Variants in TRPM7 observed in about 807,000 individuals in gnomAD.
TRPM7 encodes LTRPC ion channel family member 7.
Under a neutral mutation model 229.7 loss-of-function variants are expected in TRPM7, and 134 were observed. The observed-to-expected ratio is 0.58, with a 90% CI of 0.51 to 0.67. The LOEUF (loss-of-function observed/expected upper bound fraction) is 0.67, where lower values mean the gene tolerates loss of function less well. Ranked by LOEUF, TRPM7 falls within the 30% of genes least tolerant of loss-of-function variation. The pLI is 0.00. For missense variants in TRPM7, 1,901 were observed against 2,210.0 expected (o/e 0.86, Z 2.80); for synonymous variants, 699 against 715.2 (o/e 0.98, Z 0.36).
In TRPM7 at chr15:50,673,378, T is replaced by C. The variant is rs944391771; in HGVS notation, c.4-10332A>G. 2.6e-5 allele frequency among the ~76,000 whole-genome samples: 4 copies of C among 152,198 alleles called. No homozygotes were observed. In the East Asian group the frequency reaches 7.7e-4, roughly 29 times the overall value. ...TTTGGTGCACCCATTGCCCGACCGG[T>C]ACACACTGCACCCTATTTGTAGTCT... On this transcript the variant is annotated intron_variant, in intron 1 of 38. Transcript: ENST00000646667.
intron 19 of TRPM7, 36 bp from the exon 20 acceptor site, chr15:50,607,364 G>C: frequency 2.1e-6 from 3 of 1,462,964 alleles, no homozygotes; most frequent in Non-Finnish European, 2.8e-6. Context: ...AATAACATTG[G>C]TTACAAAATA....
intron 1 of TRPM7, among the ~76,000 whole-genome samples, chr15:50,684,093 C>G (rs2062302839): frequency 6.6e-6 from 1 of 151,772 alleles, no homozygotes; most frequent in Non-Finnish European, 1.5e-5. Flanking sequence ...CTCAAGTGAT[C>G]CGGGATCAGC....
rs1225031377 is a variant in TRPM7 at position 50,615,838 on chromosome 15, G to C, written c.1495-1575C>G. Among the ~76,000 whole-genome samples, 4 of 152,242 alleles carry C rather than the reference G, an allele frequency of 2.6e-5. No individual in the cohort carries two copies. The East Asian group carries it at 7.7e-4, about 29-fold the overall frequency. On this transcript the variant is annotated intron_variant, in intron 13 of 38. Transcript: ENST00000646667. ...TTGAACCCAGGATGCGGAAGTTGCA[G>C]TGAGCCAAGTTCACACCATTGCACT...
At chr15:50,600,636 C>T (rs1024558321) in intron 21 of TRPM7, among the ~76,000 whole-genome samples, 1 of 152,014 alleles carries the variant, frequency 6.6e-6, no homozygotes, top group African/African-American at 2.4e-5. Context: ...TAAATTATGA[C>T]ATTTCCATAT....
chr15:50,619,482 G>A (rs565706580), intron 13 of TRPM7, among the ~76,000 whole-genome samples: 13 of 151,974 alleles, frequency 8.6e-5, no homozygotes, highest in South Asian at 2.1e-4. Context: ...TCAACCTGCC[G>A]AAATGCTGGG....
chr15:50,679,533 T>TATGTGTATATATATA (rs2062194318), intron 1 of TRPM7, among the ~76,000 whole-genome samples: 1 of 51,792 alleles, frequency 1.9e-5, no homozygotes, highest in African/African-American at 8.2e-5. Context: ...TATATATATA[T>TATGTGTATATATATA]ATATATTTTT....
In TRPM7 at chr15:50,609,965, A is replaced by T. The variant is rs1393388356; in HGVS notation, c.2281-4T>A. On this transcript the variant is annotated splice_region_variant and splice_polypyrimidine_tract_variant and intron_variant, in intron 17 of 38. Transcript: ENST00000646667. ...GAACTAAAATGCTTAGTATGACCTAAATTTTTAGAAACATAATTTTGCATT... is the reference window on the plus strand; with the variant it reads ...GAACTAAAATGCTTAGTATGACCTATATTTTTAGAAACATAATTTTGCATT... 6.4e-7 allele frequency: 1 copy of T among 1,558,510 alleles called. No individual in the cohort carries two copies. The highest frequency in any genetic ancestry group is 1.9e-5 in the Admixed American group (1 of 52,748).
In TRPM7 at chr15:50,560,160, T is replaced by A. The variant is rs1294107511; in HGVS notation, c.*1518A>T. 1 of 152,196 alleles carries A rather than the reference T, an allele frequency of 6.6e-6. No individual in the cohort carries two copies. The highest frequency in any genetic ancestry group is 1.5e-5 in the Non-Finnish European group (1 of 68,026). The allele number at this position is 152,196 out of a possible 1,614,324, so 9.4% of individuals were successfully genotyped here. On this transcript the variant is annotated 3_prime_UTR_variant, in exon 39 of 39. Coordinates refer to ENST00000646667, the MANE Select transcript of TRPM7 (RefSeq NM_017672.6). ...CTAAGAAGACAGTAAGAAATCAGTA[T>A]TAATTTAAACATTGTACAGGACAGG...
chr15:50,580,454 T>C (rs1566949937), intron 30 of TRPM7, among the ~76,000 whole-genome samples: 1 of 152,204 alleles, frequency 6.6e-6, no homozygotes, highest in African/African-American at 2.4e-5. Context: ...TACTGTGTAT[T>C]ACTGCTCTAA....
intron 13 of TRPM7, among the ~76,000 whole-genome samples, chr15:50,619,091 T>C (rs1339212716): frequency 1.3e-5 from 2 of 152,192 alleles, no homozygotes. Context: ...GGGACAATTT[T>C]CTGAGGAATA....
chr15:50,658,005 AT>A (rs529961423), intron 2 of TRPM7, among the ~76,000 whole-genome samples, 186 bp from the exon 3 acceptor site: 381 of 139,220 alleles, frequency 2.7e-3, no homozygotes, highest in South Asian at 6.4e-3. Flanking sequence ...GACAGTCTCA[AT>A]TTTTTTTTTT....
chr15:50,673,290 G>C (rs11858301), intron 1 of TRPM7, among the ~76,000 whole-genome samples: 20,965 of 151,968 alleles, frequency 0.14, 1,486 homozygotes, highest in Middle Eastern at 0.2. Flanking sequence ...TATTTCCATA[G>C]GTTATTGGAA....
At chr15:50,628,392 T>G (rs1178089237) in intron 10 of TRPM7, 143 bp from the exon 11 acceptor site, 3 of 580,982 alleles carry the variant, frequency 5.2e-6, no homozygotes, top group Admixed American at 3.3e-5. Flanking sequence ...ACTGCAGCCT[T>G]GAATTCCTGG....
At position 50,560,911 on chromosome 15, in the gene TRPM7, G is replaced by A. The variant is rs2053284953; in HGVS notation, c.*767C>T. 1 of 152,496 alleles carries A rather than the reference G, an allele frequency of 6.6e-6. No individual in the cohort carries two copies. 9.4% of individuals were successfully genotyped at this position (152,496 alleles called of 1,614,324 possible). ...GTAACTTCCCTTGACGAGTGAGTTAGGTTTCTGCTTTTATAATTTAGGTTA... is the reference window on the plus strand; with the variant it reads ...GTAACTTCCCTTGACGAGTGAGTTAAGTTTCTGCTTTTATAATTTAGGTTA... On this transcript the variant is annotated 3_prime_UTR_variant, in exon 39 of 39. Coordinates refer to ENST00000646667, the MANE Select transcript of TRPM7 (RefSeq NM_017672.6).
Position 50,561,494 on chromosome 15 carries a change from T to C in TRPM7, c.*184A>G. On this transcript the variant is annotated 3_prime_UTR_variant, in exon 39 of 39. Coordinates refer to ENST00000646667, the MANE Select transcript of TRPM7 (RefSeq NM_017672.6). ...AATTTCTCAGCTGCCAGCTCTATCC[T>C]ATAGGGACTTTCTGACTGATTAATC... The C allele has an allele frequency of 3.3e-6, 2 of 597,586 alleles. No individual in the cohort carries two copies. The highest frequency in any genetic ancestry group is 5.0e-5 in the South Asian group (2 of 40,392). 37.0% of individuals were successfully genotyped at this position (597,586 alleles called of 1,614,324 possible). A position where few individuals can be genotyped will look rare whatever the true frequency, so the allele number is the denominator to read the frequency against.
At chr15:50,598,029 C>T (rs79851573) in intron 22 of TRPM7, among the ~76,000 whole-genome samples, 2,121 of 152,182 alleles carry the variant, frequency 0.014, 47 homozygotes, top group African/African-American at 0.049. Flanking sequence ...GTTTAACTAC[C>T]GCCCAAGAAC....
chr15:50,609,640 T>C lies in TRPM7; in HGVS notation c.2521A>G (p.Ile841Val), dbSNP rs753975813. The C allele has an allele frequency of 4.3e-6, 7 of 1,612,698 alleles. No homozygotes were observed. Among genetic ancestry groups the C allele is most frequent in the African/African-American group, 2.7e-5 (2 of 74,998 alleles). ...EIQMKSKKLP[I>V]TRKFYAFYHA... is the part of the protein sequence containing the mutation. ...TAAAAGGCATAAAACTTTCGCGTAA[T>C]TGGAAGCTTTTTTGATTTCATTTGT... Residue 841 changes from isoleucine to valine, a missense_variant, in exon 19 of 39, where the codon ATT (isoleucine) becomes GTT (valine). Physicochemically the swap from Ile to Val is conservative, Grantham distance 29. Around this residue, in one of 8 missense-constraint regions of TRPM7, gnomAD observed 207 missense variants for 241.5 expected, o/e 0.86. Transcript: ENST00000646667.
At position 50,566,455 on chromosome 15, in the gene TRPM7, T is replaced by C. The variant is rs571325643; in HGVS notation, c.5467+3432A>G. 3.9e-5 allele frequency among the ~76,000 whole-genome samples: 6 copies of C among 152,120 alleles called. No individual in the cohort carries two copies. The South Asian group carries it at 1.2e-3, about 32-fold the overall frequency. ...GCTTACACCTGTAATCCCAGCACTT[T>C]GGGAGGCCGAGTCGGGTAGATCACG... On this transcript the variant is annotated intron_variant, in intron 38 of 38. Transcript: ENST00000646667.
At chr15:50,594,299 G>A (rs2059582277) in intron 24 of TRPM7, 130 bp downstream of exon 24, 2 of 786,812 alleles carry the variant, frequency 2.5e-6, no homozygotes, top group Middle Eastern at 3.8e-4. Flanking sequence ...TTATGTACAG[G>A]CATATTTAAC....
Sources: gnomAD v4.1 joint callset for allele counts (sites outside exome capture counted in the v4.1 genomes callset) on GRCh38, gnomAD v4.1.1 for gene constraint, gnomAD v4.1.1 regional missense constraint, MANE v1.5 for transcripts, NCBI Gene and HGNC (gene_info 2026-07-23, HGNC 2026-07-21) for gene names.